The following EHD2 variants were observed in gnomAD, a reference collection of about 807,000 sequenced individuals.
EHD2 encodes EH domain containing 2, also known as EH domain-containing protein 2.
A neutral mutation model predicts 41.0 loss-of-function variants in EHD2; 27 were observed. The observed-to-expected ratio is 0.66, with a 90% confidence interval of 0.49 to 0.91. The LOEUF is 0.91. EHD2 is among the 40% of genes least tolerant of loss of function. EHD2 has a pLI of 0.00. For missense variants in EHD2, 673 were observed against 773.9 expected, an observed-to-expected ratio of 0.87 and a Z score of 1.55; for synonymous variants, 342 against 341.0, an observed-to-expected ratio of 1.00 and a Z score of -0.03.
intron 3 of EHD2, among the ~76,000 whole-genome samples, chr19:47,723,409 C>T (rs1249627390): frequency 6.6e-6 from 1 of 152,084 alleles, no homozygotes; most frequent in African/African-American, 2.4e-5. Flanking sequence ...TGCCTGTAAT[C>T]TCAGCACTTT....
In EHD2 at chr19:47,716,701, G is replaced by T. The variant is rs201716618; in HGVS notation, c.89G>T (p.Arg30Leu). The stretch of plus-strand genomic sequence containing the variant: ...ACCTCGGCCCTCAAGGAGCTGTACC[G>T]CACGAAGCTGCTGCCGCTGGAGGAG... ...TVTSALKELYRTKLLPLEEHY... is the reference protein window; with the variant it reads ...TVTSALKELYLTKLLPLEEHY... The change falls in exon 2 of 6, where the codon CGC becomes CTC. Residue 30 changes from arginine (R) to leucine (L), a missense_variant. Arg to Leu is a moderately radical substitution (Grantham distance 102). Coordinates refer to ENST00000263277, the MANE Select transcript of EHD2 (RefSeq NM_014601.4). 2 of 1,612,056 alleles carry T rather than the reference G, an allele frequency of 1.2e-6. No homozygotes were observed. Among genetic ancestry groups the T allele is most frequent in the East Asian group, 4.5e-5 (2 of 44,828 alleles).
At position 47,741,527 on chromosome 19, in the gene EHD2, C is replaced by A. The variant is rs982339611; in HGVS notation, c.*95C>A. The A allele has an allele frequency of 3.6e-6, 5 of 1,378,570 alleles. No homozygotes were observed. Among genetic ancestry groups the A allele is most frequent in the Non-Finnish European group, 4.8e-6 (5 of 1,031,256 alleles). 85.4% of individuals were successfully genotyped at this position (1,378,570 alleles called of 1,614,324 possible). A position where few individuals can be genotyped will look rare whatever the true frequency, so the allele number is the denominator to read the frequency against. Reference sequence around the variant, plus strand: ...GGCTCACACACGCCCTGCCTGCCCTCCCTGCCCAGCTGTAAGGACCGGGGG... The same window carrying A: ...GGCTCACACACGCCCTGCCTGCCCTACCTGCCCAGCTGTAAGGACCGGGGG... On this transcript the variant is annotated 3_prime_UTR_variant, in exon 6 of 6. Transcript: ENST00000263277. This position sits in a 1 kb window ranked among gnomAD's most constrained non-coding sequence, Gnocchi z 4.5.
At chr19:47,718,746 G>A in intron 3 of EHD2, 140 bp downstream of exon 3, 1 of 693,958 alleles carries the variant, frequency 1.4e-6, no homozygotes, top group Non-Finnish European at 2.3e-6. Flanking sequence ...GTCTGAGGGA[G>A]GAGGGGCTGG....
chr19:47,718,848 G>A (rs961460308), intron 3 of EHD2, among the ~76,000 whole-genome samples: 2 of 148,716 alleles, frequency 1.3e-5, no homozygotes, highest in Non-Finnish European at 3.0e-5. Context: ...TCCTGGGTCT[G>A]AGGGAGGAGG....
chr19:47,721,515 C>T lies in EHD2; in HGVS notation c.502+2909C>T, dbSNP rs553617045. ...ATTTTTAGTAGAGACGGGGTTTCGC[C>T]GTCTTAGCCAGGCAGGTCTTGAACT... On this transcript the variant is annotated intron_variant, in intron 3 of 5. Transcript: ENST00000263277. Among the ~76,000 whole-genome samples, 13 of 151,812 alleles carry T rather than the reference C, an allele frequency of 8.6e-5. 1 individual carries two copies. The highest frequency in any genetic ancestry group is 3.9e-4 in the East Asian group (2 of 5,072).
chr19:47,735,039 G>A (rs145442521), intron 4 of EHD2, among the ~76,000 whole-genome samples: 1,837 of 152,256 alleles, frequency 0.012, 44 homozygotes, highest in African/African-American at 0.041. Flanking sequence ...GTGACAGAGT[G>A]AGTGAGACTC....
At chr19:47,738,316 T>A (rs544687302) in intron 5 of EHD2, among the ~76,000 whole-genome samples, 1 of 152,226 alleles carries the variant, frequency 6.6e-6, no homozygotes, top group African/African-American at 2.4e-5. Context: ...TTTTTCTTTT[T>A]TTTTGAGATG....
chr19:47,726,125 G>A lies in EHD2; in HGVS notation c.816G>A (p.Glu272=), dbSNP rs1486537382. The A allele has an allele frequency of 6.3e-7, 1 of 1,577,806 alleles. No homozygotes were observed. The highest frequency in any genetic ancestry group is 8.6e-7 in the Non-Finnish European group (1 of 1,162,808). The change falls in exon 4 of 6, where the codon GAG becomes GAA. Residue 272 remains glutamate, a synonymous_variant. Transcript: ENST00000263277. ...LLVPDNRRLF[E]LEEQDLFRDI... ...TGCCCGACAACCGGCGCCTCTTCGA[G>A]CTGGAGGAGCAGGACCTCTTCCGCG...
At chr19:47,718,683 T>TGG (rs879245964) in intron 3 of EHD2, 77 bp downstream of exon 3, 19 of 1,177,276 alleles carry the variant, frequency 1.6e-5, no homozygotes, top group African/African-American at 1.3e-4. Context: ...GAGGAGGGAC[T>TGG]GGGCCCGGAC....
At position 47,740,898 on chromosome 19, in the gene EHD2, C is replaced by T. The variant is rs17851158; in HGVS notation, c.1098C>T (p.His366=). Residue 366 remains histidine, a synonymous_variant, in exon 6 of 6, where the codon CAC becomes CAT. Transcript: ENST00000263277. The stretch of plus-strand genomic sequence containing the variant: ...CACCACAGGAGCTGCTGATGGCGCA[C>T]GACTTCACCAAGTTTCACTCGCTGA... ...CQKMQELLMA[H]DFTKFHSLKP... is the part of the protein sequence containing the mutation. The T allele has an allele frequency of 5.5e-4, 884 of 1,613,288 alleles. 1 individual carries two copies. Among genetic ancestry groups the T allele is most frequent in the Admixed American group, 7.3e-4 (44 of 59,910 alleles).
chr19:47,716,882 T>A lies in EHD2; in HGVS notation c.270T>A (p.Pro90=). 1 of 1,612,696 alleles carries A rather than the reference T, an allele frequency of 6.2e-7. No homozygotes were observed. Among genetic ancestry groups the A allele is most frequent in the Non-Finnish European group, 8.5e-7 (1 of 1,179,752 alleles). The part of the protein sequence containing the change: ...EQEVPGSRVG[P]EPTTDCFVAV... ...AGGTGCCCGGCTCCCGCGTGGGGCC[T>A]GAGCCCACCACCGACTGCTTTGTGG... The change falls in exon 2 of 6, where the codon CCT becomes CCA. Residue 90 remains proline, a synonymous_variant. Coordinates refer to ENST00000263277, the MANE Select transcript of EHD2 (RefSeq NM_014601.4).
chr19:47,731,314 A>ATATACATATATATATGTGTAT (rs1160770476), intron 4 of EHD2: 1 of 113,996 alleles, frequency 8.8e-6, no homozygotes, highest in Non-Finnish European at 1.9e-5. Flanking sequence ...ATATATATAT[A>ATATACATATATATATGTGTAT]ATTTTTTTTT....
Position 47,731,279 on chromosome 19 carries a change from A to ATATATATATATATGT in EHD2, c.915+5055_915+5056insTATATATATATATGT, listed in dbSNP as rs1555793891. On this transcript the variant is annotated intron_variant, in intron 4 of 5. Transcript: ENST00000263277. ...ATTTGTGATTCTTTAAAAAAAAAAAAATATATATATATATATATATATACA... is the reference window on the plus strand; with the variant it reads ...ATTTGTGATTCTTTAAAAAAAAAAAATATATATATATATGTATATATATATATATATATATATACA... The ATATATATATATATGT allele has an allele frequency of 2.0e-3, 124 of 60,926 alleles. 2 individuals carry two copies. The highest frequency in any genetic ancestry group is 5.7e-3 in the African/African-American group (116 of 20,470). The allele number at this position is 60,926 out of a possible 1,614,324, so 3.8% of individuals were successfully genotyped here.
chr19:47,739,525 C>G (rs2123660742), intron 5 of EHD2, among the ~76,000 whole-genome samples: 1 of 145,496 alleles, frequency 6.9e-6, no homozygotes, highest in African/African-American at 2.5e-5. Flanking sequence ...CGCTTGAACC[C>G]ATGAGACGGA....
intron 4 of EHD2, among the ~76,000 whole-genome samples, chr19:47,727,487 C>CT (rs1973764432): frequency 6.6e-6 from 1 of 151,996 alleles, no homozygotes; most frequent in African/African-American, 2.4e-5. Context: ...TGGGGCTCAT[C>CT]TTTTTTTAAA....
In EHD2 at chr19:47,719,946, A is replaced by ATGTGTGTGTG. The variant is rs59665711; in HGVS notation, c.502+1355_502+1364dup. 0.017 allele frequency among the ~76,000 whole-genome samples: 2,512 copies of ATGTGTGTGTG among 147,002 alleles called. 49 individuals carry two copies. The highest frequency in any genetic ancestry group is 0.047 in the African/African-American group (1,825 of 39,144). ...AGAGTGTCCAGCTGTTGGTGTGTAT[A>ATGTGTGTGTG]TGTGTGTGTGTGTGTGTGTGTGTGA... On this transcript the variant is annotated intron_variant, in intron 3 of 5. Transcript: ENST00000263277. This position sits in a 1 kb window ranked among gnomAD's most constrained non-coding sequence, Gnocchi z 4.1.
chr19:47,741,319 G>A lies in EHD2; in HGVS notation c.1519G>A (p.Ala507Thr), dbSNP rs1365608231. ...CGGCATGCTGGATGATGAGGAGTTC[G>A]CGCTGGCCAGCCACCTCATCGAGGC... is the stretch of plus-strand genomic sequence containing the variant. ...RDGMLDDEEF[A>T]LASHLIEAKL... The change falls in exon 6 of 6, where the codon GCG (alanine) becomes ACG (threonine). Residue 507 changes from alanine to threonine, a missense_variant. Physicochemically the swap from Ala to Thr is moderately conservative, Grantham distance 58. Transcript: ENST00000263277. The surrounding 1 kb of genome is among the most constrained non-coding windows in gnomAD (Gnocchi z 4.5). 1.9e-6 allele frequency: 3 copies of A among 1,613,212 alleles called. No individual in the cohort carries two copies. Among genetic ancestry groups the A allele is most frequent in the Non-Finnish European group, 2.5e-6 (3 of 1,179,890 alleles).
At chr19:47,717,143 G>A in intron 2 of EHD2, 127 bp downstream of exon 2, 1 of 1,251,602 alleles carries the variant, frequency 8.0e-7, no homozygotes. Flanking sequence ...CACCTCCTGG[G>A]TTCAAGCAAT....
rs75909126 is a variant in EHD2 at position 47,736,461 on chromosome 19, C to T, written c.1008C>T (p.Pro336=). 3.8e-5 allele frequency: 62 copies of T among 1,612,810 alleles called. No homozygotes were observed. The East Asian group carries it at 1.1e-3, about 28-fold the overall frequency. Residue 336 remains proline, a synonymous_variant, in exon 5 of 6, where the codon CCC becomes CCT. Transcript: ENST00000263277. ...AGAAGCAGCTGATCCTCAAACTGCC[C>T]GTCATCTTTGCGAAGATTCAGCTGG... The part of the protein sequence containing the change: ...NKKKQLILKL[P]VIFAKIQLEH...
Sources: allele counts gnomAD v4.1 joint callset (sites outside exome capture counted in the v4.1 genomes callset), GRCh38; gene constraint gnomAD v4.1.1; non-coding constraint Gnocchi (gnomAD v3.1); transcripts MANE v1.5; gene names NCBI Gene and HGNC (gene_info 2026-07-23, HGNC 2026-07-21).